FBXW8: variants seen among roughly 807,000 people sequenced by gnomAD.
FBXW8 encodes F-box and WD repeat domain containing 8.
FBXW8 carries 57 observed loss-of-function variants against 65.3 expected under a neutral mutation model. That is an observed-to-expected ratio of 0.87 (90% CI 0.71 to 1.09). The LOEUF (loss-of-function observed/expected upper bound fraction) is 1.09. Ranked by LOEUF, FBXW8 falls within the 50% of genes least tolerant of loss-of-function variation. The pLI is 0.00. For synonymous variants in FBXW8, 308 were observed against 330.2 expected (o/e 0.93, Z 0.73); for missense variants, 777 against 814.8 (o/e 0.95, Z 0.57).
intron 3 of FBXW8, chr12:116,949,091 C>G (rs1012771290): frequency 2.6e-5 from 4 of 154,436 alleles, no homozygotes; most frequent in African/African-American, 9.6e-5. Flanking sequence ...CATGAAACCT[C>G]TGGCCTCTCA....
intron 5 of FBXW8, among the ~76,000 whole-genome samples, chr12:116,970,787 A>G (rs901570822): frequency 6.6e-6 from 1 of 152,118 alleles, no homozygotes; most frequent in African/African-American, 2.4e-5. Flanking sequence ...GGCTAAGGCA[A>G]TTGATGGATT....
At chr12:116,971,835 C>T (rs1884666577) in intron 5 of FBXW8, among the ~76,000 whole-genome samples, 1 of 152,158 alleles carries the variant, frequency 6.6e-6, no homozygotes, top group Non-Finnish European at 1.5e-5. Context: ...AAGTGACCAC[C>T]TGCATGCCCG....
At chr12:117,019,920 G>A (rs567460185) in intron 8 of FBXW8, among the ~76,000 whole-genome samples, 3 of 152,316 alleles carry the variant, frequency 2.0e-5, no homozygotes, top group African/African-American at 7.2e-5. Flanking sequence ...CAGGAAGTAC[G>A]CACATTCAAA....
At chr12:116,955,181 G>A (rs189260028) in intron 4 of FBXW8, among the ~76,000 whole-genome samples, 3 of 152,048 alleles carry the variant, frequency 2.0e-5, no homozygotes, top group African/African-American at 4.8e-5. Flanking sequence ...CATTACCTCC[G>A]TGAGCGCCTT....
intron 9 of FBXW8, 108 bp downstream of exon 9, chr12:117,024,428 C>T (rs925843769): frequency 7.7e-6 from 10 of 1,299,398 alleles, no homozygotes; most frequent in East Asian, 2.4e-5. Context: ...CCCCCGGCTT[C>T]GCCAGGTGAA....
intron 7 of FBXW8, among the ~76,000 whole-genome samples, chr12:116,995,075 G>A (rs2135685820): frequency 6.6e-6 from 1 of 152,300 alleles, no homozygotes; most frequent in African/African-American, 2.4e-5. Flanking sequence ...GACTGGTCCT[G>A]CCCTTCATTT....
Position 116,945,349 on chromosome 12 carries a change from C to T in FBXW8, c.424-15C>T, listed in dbSNP as rs1483531278. 6.2e-7 allele frequency: 1 copy of T among 1,600,600 alleles called. No homozygotes were observed. The highest frequency in any genetic ancestry group is 2.2e-5 in the East Asian group (1 of 44,448). On this transcript the variant is annotated splice_polypyrimidine_tract_variant and intron_variant, in intron 2 of 10. Transcript: ENST00000652555. ...ATTGCAGAATTTGACATTTGTGTCA[C>T]TTCTGCTGTTTTAGGTGAGCAAGAC...
At chr12:116,912,854 T>C (rs940609028) in intron 1 of FBXW8, among the ~76,000 whole-genome samples, 1 of 152,252 alleles carries the variant, frequency 6.6e-6, no homozygotes, top group Admixed American at 6.5e-5. Context: ...CATTAATAGC[T>C]ACTATTTGAG....
intron 7 of FBXW8, among the ~76,000 whole-genome samples, chr12:116,996,542 G>C (rs533499156): frequency 5.0e-4 from 76 of 151,980 alleles, no homozygotes; most frequent in Admixed American, 1.5e-3. Context: ...TTACAAGCAG[G>C]ATGAAAATGA....
intron 1 of FBXW8, among the ~76,000 whole-genome samples, chr12:116,921,613 C>G (rs912242690): frequency 1.3e-5 from 2 of 152,178 alleles, no homozygotes; most frequent in South Asian, 2.1e-4. Context: ...CCTCCCTCCC[C>G]CTAGCACCTG....
At chr12:116,949,013 C>A (rs1883105031) in intron 3 of FBXW8, 1 of 152,538 alleles carries the variant, frequency 6.6e-6, no homozygotes, top group African/African-American at 2.4e-5. Flanking sequence ...GCCTCTGCCT[C>A]CCAAAGTGCT....
At chr12:116,937,232 T>G (rs1036584485) in intron 2 of FBXW8, among the ~76,000 whole-genome samples, 17 of 152,080 alleles carry the variant, frequency 1.1e-4, no homozygotes, top group Admixed American at 1.0e-3. Flanking sequence ...GATCACTCAT[T>G]GGTTGTGAGG....
rs567103669 is a variant in FBXW8 at position 117,006,507 on chromosome 12, G to A, written c.1240-3816G>A. ...GCCACACCTGGATGCTGCGGGGCCC[G>A]CCTGCCCACGGCGGTGGCTGATGCC... is the stretch of plus-strand genomic sequence containing the variant. On this transcript the variant is annotated intron_variant, in intron 7 of 10. Transcript: ENST00000652555. Among the ~76,000 whole-genome samples, 10 of 152,340 alleles carry A rather than the reference G, an allele frequency of 6.6e-5. No homozygotes were observed. In the East Asian group the frequency reaches 1.9e-3, roughly 29 times the overall value.
chr12:117,014,694 T>C (rs951145571), intron 8 of FBXW8, among the ~76,000 whole-genome samples: 1 of 152,208 alleles, frequency 6.6e-6, no homozygotes, highest in Admixed American at 6.5e-5. Flanking sequence ...TTTCCAAAGC[T>C]GTTCAATTTC....
At position 116,911,266 on chromosome 12, in the gene FBXW8, C is replaced by T. The variant is rs1879906146; in HGVS notation, c.229C>T (p.Gln77Ter). The T allele has an allele frequency of 8.0e-7, 1 of 1,255,152 alleles. No homozygotes were observed. Among genetic ancestry groups the T allele is most frequent in the Non-Finnish European group, 1.0e-6 (1 of 1,003,018 alleles). The allele number at this position is 1,255,152 out of a possible 1,614,324, so 77.8% of individuals were successfully genotyped here. A position where few individuals can be genotyped will look rare whatever the true frequency, so the allele number is the denominator to read the frequency against. The change falls in exon 1 of 11, where the codon CAG becomes TAG. Residue 77 changes from glutamine to a stop codon, truncating the protein, a stop_gained. Coordinates refer to ENST00000652555, the MANE Select transcript of FBXW8 (RefSeq NM_153348.3). LOFTEE classifies it high-confidence loss of function. Reference sequence around the variant, plus strand: ...GGCGCGGGCGACTCGGGCCGAGGGGCAGGACGTAGCGAGCCGCTCACGTTC... The same window carrying T: ...GGCGCGGGCGACTCGGGCCGAGGGGTAGGACGTAGCGAGCCGCTCACGTTC... ...PAARATRAEG[Q>*]DVASRSRSPL... is the part of the protein sequence containing the mutation.
At chr12:116,985,635 A>T in intron 6 of FBXW8, 1 of 460,832 alleles carries the variant, frequency 2.2e-6, no homozygotes, top group Admixed American at 3.9e-5. Context: ...TCTCAGAGGT[A>T]AGAAGTTACG....
At chr12:116,937,559 T>C (rs1003257573) in intron 2 of FBXW8, among the ~76,000 whole-genome samples, 14 of 152,194 alleles carry the variant, frequency 9.2e-5, no homozygotes, top group African/African-American at 3.4e-4. Context: ...CTGTTGTTCA[T>C]CAAGTAAGAG....
intron 9 of FBXW8, among the ~76,000 whole-genome samples, chr12:117,025,801 C>CCATCCA (rs141692420): frequency 0.027 from 4,089 of 152,316 alleles, 172 homozygotes; most frequent in African/African-American, 0.087. Flanking sequence ...CCTGGATCAG[C>CCATCCA]CATCCAGGTC....
intron 7 of FBXW8, among the ~76,000 whole-genome samples, chr12:116,996,527 G>A (rs188865559): frequency 1.3e-5 from 2 of 151,716 alleles, no homozygotes; most frequent in East Asian, 3.9e-4. Context: ...AAAAAACTTG[G>A]TATTTTACAA....
Sources: allele counts gnomAD v4.1 joint callset (sites outside exome capture counted in the v4.1 genomes callset), GRCh38; gene constraint gnomAD v4.1.1; transcripts MANE v1.5; gene names NCBI Gene and HGNC (gene_info 2026-07-23, HGNC 2026-07-21).